The following EXTL3 variants were observed in gnomAD, a reference collection of about 807,000 sequenced individuals.
EXTL3 encodes the protein exostosin-like 3.
A neutral mutation model predicts 69.3 loss-of-function variants in EXTL3; 27 were observed. That is an observed-to-expected ratio of 0.39 (90% CI 0.29 to 0.54). The LOEUF (loss-of-function observed/expected upper bound fraction) is 0.54. Among genes scored for constraint, EXTL3 ranks in the 20% least tolerant of loss-of-function variants. The pLI, the probability that EXTL3 is intolerant of heterozygous loss-of-function variation, is 0.69. For missense variants in EXTL3, 1,003 were observed against 1,231.8 expected (o/e 0.81, Z 2.78); for synonymous variants, 511 against 499.4 (o/e 1.02, Z -0.31).
chr8:28,722,581 G>A (rs1801316219), intron 3 of EXTL3, among the ~76,000 whole-genome samples: 1 of 151,936 alleles, frequency 6.6e-6, no homozygotes, highest in Non-Finnish European at 1.5e-5. Flanking sequence ...TTTGAGACCA[G>A]CCTGGGCAAC....
chr8:28,658,201 G>C (rs528558589), intron 1 of EXTL3, among the ~76,000 whole-genome samples: 1 of 133,924 alleles, frequency 7.5e-6, no homozygotes, highest in Admixed American at 6.9e-5. Flanking sequence ...CCGGACGGTG[G>C]GTGGGGGGGG....
Position 28,717,202 on chromosome 8 carries a change from C to T in EXTL3, c.1143C>T (p.Ala381=), listed in dbSNP as rs1163883596. ...CCGACTACGATGACCGGATCATTGCCACCCTGAAGGCGGTGCAGGACAGCA... is the reference window on the plus strand; with the variant it reads ...CCGACTACGATGACCGGATCATTGCTACCCTGAAGGCGGTGCAGGACAGCA... ...PPADYDDRII[A]TLKAVQDSKL... The change falls in exon 3 of 7, where the codon GCC becomes GCT. Residue 381 remains alanine (A), a synonymous_variant. Transcript: ENST00000220562. The surrounding 1 kb of genome is among the most constrained non-coding windows in gnomAD (Gnocchi z 8.3). The T allele has an allele frequency of 6.2e-7, 1 of 1,614,242 alleles. No individual in the cohort carries two copies.
chr8:28,645,267 C>T (rs1460468472), intron 1 of EXTL3, among the ~76,000 whole-genome samples: 2 of 152,100 alleles, frequency 1.3e-5, no homozygotes, highest in Admixed American at 1.3e-4. Context: ...ACCCTTTGAC[C>T]CAGCAAGTCT....
rs1366519837 is a variant in EXTL3 at position 28,716,881 on chromosome 8, C to T, written c.822C>T (p.Val274=). 7 of 1,614,072 alleles carry T rather than the reference C, an allele frequency of 4.3e-6. No individual in the cohort carries two copies. In the Admixed American group the frequency reaches 1.2e-4, roughly 27 times the overall value. The change falls in exon 3 of 7, where the codon GTC becomes GTT. Residue 274 remains valine, a synonymous_variant. Transcript: ENST00000220562. The surrounding 1 kb of genome is among the most constrained non-coding windows in gnomAD (Gnocchi z 7.1). ...PHWRTDGHNH[V]IINLSRKSDT... is the part of the protein sequence containing the mutation. ...GGCGGACGGATGGACACAACCATGTCATCATCAATCTGTCACGTAAGTCAG... is the reference window on the plus strand; with the variant it reads ...GGCGGACGGATGGACACAACCATGTTATCATCAATCTGTCACGTAAGTCAG...
At chr8:28,661,135 G>A (rs187112187) in intron 1 of EXTL3, among the ~76,000 whole-genome samples, 1,535 of 151,632 alleles carry the variant, frequency 0.01, 10 homozygotes, top group Non-Finnish European at 0.015. Flanking sequence ...GGATGGTCTC[G>A]ATCTCCTGAC....
intron 1 of EXTL3, among the ~76,000 whole-genome samples, chr8:28,648,194 G>A (rs1806864972): frequency 6.6e-6 from 1 of 152,190 alleles, no homozygotes; most frequent in Admixed American, 6.5e-5. Context: ...ATACAGGTAG[G>A]AGTTTGTTTT....
In EXTL3 at chr8:28,616,622, G is replaced by A. The variant is rs368099150; in HGVS notation, n.314+8864G>A. On this transcript the variant is annotated intron_variant and non_coding_transcript_variant, in intron 2 of 4. Transcript: ENST00000522725. ...AGCCTGGGCGACAGAGCGAGACTCCGTCTCAAAAAAAAAAAAAAGCCAAAA... is the reference window on the plus strand; with the variant it reads ...AGCCTGGGCGACAGAGCGAGACTCCATCTCAAAAAAAAAAAAAAGCCAAAA... 9.2e-3 allele frequency among the ~76,000 whole-genome samples: 1,299 copies of A among 140,556 alleles called. 19 individuals are homozygous for A. Among genetic ancestry groups the A allele is most frequent in the African/African-American group, 0.033 (1,216 of 37,228 alleles). 92.2% of individuals were successfully genotyped at this position (140,556 alleles called of 152,430 possible).
chr8:28,678,069 C>G (rs1239397112), intron 1 of EXTL3: 1 of 152,336 alleles, frequency 6.6e-6, no homozygotes, highest in Non-Finnish European at 1.5e-5. Flanking sequence ...ATGAATTGAA[C>G]TTGACCTTGG....
chr8:28,733,490 C>T (rs2130776830), intron 4 of EXTL3, among the ~76,000 whole-genome samples: 1 of 151,852 alleles, frequency 6.6e-6, no homozygotes, highest in East Asian at 1.9e-4. Flanking sequence ...CCTTGAACTC[C>T]TGGGCTCAAG....
chr8:28,722,389 A>G (rs1370099106), intron 3 of EXTL3, among the ~76,000 whole-genome samples: 4 of 152,228 alleles, frequency 2.6e-5, no homozygotes, highest in African/African-American at 4.8e-5. Context: ...TGGTAGAGAG[A>G]ACCAGTTCAG....
At chr8:28,694,840 C>T (rs1429311175) in intron 1 of EXTL3, among the ~76,000 whole-genome samples, 1 of 152,100 alleles carries the variant, frequency 6.6e-6, no homozygotes, top group Non-Finnish European at 1.5e-5. Context: ...GGCGAAACCC[C>T]ATTTCTACTA....
Position 28,750,620 on chromosome 8 carries a change from C to T in EXTL3, c.2551-37C>T. ...GCTGCAAGGGTTCTGTCAGTATTAG[C>T]TGGGATTCCCACTCTGTCTCTCTCT... On this transcript the variant is annotated intron_variant, in intron 6 of 6. Coordinates refer to ENST00000220562, the MANE Select transcript of EXTL3 (RefSeq NM_001440.4). This position sits in a 1 kb window ranked among gnomAD's most constrained non-coding sequence, Gnocchi z 5.2. The T allele has an allele frequency of 4.5e-6, 7 of 1,544,300 alleles. No homozygotes were observed. The highest frequency in any genetic ancestry group is 6.3e-6 in the Non-Finnish European group (7 of 1,117,038).
At position 28,718,114 on chromosome 8, in the gene EXTL3, C is replaced by T; in HGVS notation, c.2055C>T (p.Gly685=). 1 of 1,614,064 alleles carries T rather than the reference C, an allele frequency of 6.2e-7. No homozygotes were observed. The highest frequency in any genetic ancestry group is 8.5e-7 in the Non-Finnish European group (1 of 1,180,028). The change falls in exon 3 of 7, where the codon GGC becomes GGT. Residue 685 remains glycine, a synonymous_variant. Transcript: ENST00000220562. ...VLMNSLERLN[G]LPYLNKVVVV... ...TGAACTCTTTAGAGAGGCTGAATGG[C>T]CTCCCTTACCTGAACAAGGTCGTGG...
At chr8:28,726,474 C>G (rs192048475) in intron 3 of EXTL3, among the ~76,000 whole-genome samples, 1 of 152,282 alleles carries the variant, frequency 6.6e-6, no homozygotes, top group East Asian at 1.9e-4. Flanking sequence ...AGGGGAACAT[C>G]TTAGGTAATG....
At chr8:28,625,717 A>G (rs1315405873) in intron 1 of EXTL3, among the ~76,000 whole-genome samples, 1 of 152,142 alleles carries the variant, frequency 6.6e-6, no homozygotes, top group Non-Finnish European at 1.5e-5. Context: ...AGAGATAATT[A>G]TGCAGTTGGT....
In EXTL3 at chr8:28,608,628, C is replaced by T. The variant is rs183973939; in HGVS notation, n.314+870C>T. On this transcript the variant is annotated intron_variant and non_coding_transcript_variant, in intron 2 of 4. Transcript: ENST00000522725. ...CTGTAATCTTAGCATTTTGGGAGGC[C>T]GAAGCGGGGGGATCACTTGAGCTCA... Among the ~76,000 whole-genome samples, 426 of 151,968 alleles carry T rather than the reference C, an allele frequency of 2.8e-3. 4 individuals carry two copies. The highest frequency in any genetic ancestry group is 8.8e-3 in the African/African-American group (364 of 41,368).
chr8:28,697,382 CG>C (rs1482932409), upstream of EXTL3: 1 of 152,138 alleles, frequency 6.6e-6, no homozygotes, highest in African/African-American at 2.4e-5. Context: ...GTCTCTCTTA[CG>C]GGAGTTTAAA....
rs980719333 is a variant in EXTL3 at position 28,695,280 on chromosome 8, C to T, written c.-52-18177C>T. Among the ~76,000 whole-genome samples the T allele has an allele frequency of 3.3e-5, 5 of 152,088 alleles. No individual in the cohort carries two copies. In the East Asian group the frequency reaches 9.8e-4, roughly 30 times the overall value. On this transcript the variant is annotated intron_variant, in intron 1 of 6. Transcript: ENST00000523149. ...AGTAGCTGGGATTACAGGCACCCAC[C>T]ACCATGCCCGGCTAATTTTTGTATT...
In EXTL3 at chr8:28,717,791, G is replaced by C; in HGVS notation, c.1732G>C (p.Val578Leu). ...CAACGGGGACCTGGACCTGGGGCCA[G>C]TGGAGACGGAGCCGCCCTACGCCTC... ...ADNGDLDLGP[V>L]ETEPPYASPR... is the part of the protein sequence containing the mutation. The change falls in exon 3 of 7, where the codon GTG becomes CTG. Residue 578 changes from valine to leucine, a missense_variant. This residue lies in a region of EXTL3 where 742 missense variants were observed against 815.4 expected (regional missense o/e 0.91). Transcript: ENST00000220562. The surrounding 1 kb of genome is among the most constrained non-coding windows in gnomAD (Gnocchi z 8.3). 6.2e-7 allele frequency: 1 copy of C among 1,613,476 alleles called. No individual in the cohort carries two copies. The highest frequency in any genetic ancestry group is 1.1e-5 in the South Asian group (1 of 91,074).
Sources: allele counts gnomAD v4.1 joint callset (sites outside exome capture counted in the v4.1 genomes callset), GRCh38; gene constraint gnomAD v4.1.1; regional missense constraint gnomAD v4.1.1; non-coding constraint Gnocchi (gnomAD v3.1); transcripts MANE v1.5; gene names NCBI Gene and HGNC (gene_info 2026-07-23, HGNC 2026-07-21).